The following SPAG16 variants were observed in gnomAD, a reference collection of about 807,000 sequenced individuals.
SPAG16 encodes the protein sperm associated antigen 16.
A neutral mutation model predicts 80.4 loss-of-function variants in SPAG16; 86 were observed. The ratio of observed to expected loss-of-function variants is 1.07; its 90% CI spans 0.90 to 1.28. The LOEUF (loss-of-function observed/expected upper bound fraction) is 1.28, where lower values mean the gene tolerates loss of function less well. Among genes scored for constraint, SPAG16 ranks in the 50% most tolerant of loss-of-function variants. The pLI, the probability that SPAG16 is intolerant of heterozygous loss-of-function variation, is 0.00. For synonymous variants in SPAG16, 294 were observed against 265.9 expected (o/e 1.11, Z -1.03); for missense variants, 870 against 765.3 (o/e 1.14, Z -1.61).
At chr2:214,304,407 C>T (rs1253061332) in intron 15 of SPAG16, among the ~76,000 whole-genome samples, 2 of 152,336 alleles carry the variant, frequency 1.3e-5, no homozygotes, top group Non-Finnish European at 1.5e-5. Context: ...CAAACAATAG[C>T]ATGAGAGATC....
In SPAG16 at chr2:213,296,074, A is replaced by G; in HGVS notation, c.147A>G (p.Ile49Met). 6.2e-7 allele frequency: 1 copy of G among 1,610,384 alleles called. No homozygotes were observed. The highest frequency in any genetic ancestry group is 8.5e-7 in the Non-Finnish European group (1 of 1,177,220). The change falls in exon 2 of 16, where the codon ATA (isoleucine) becomes ATG (methionine). Residue 49 changes from isoleucine to methionine, a missense_variant. Coordinates refer to ENST00000331683, the MANE Select transcript of SPAG16 (RefSeq NM_024532.5). ...EGAYYLEQVT[I>M]TEASEDDYEY... ...TGACAAGATATTCAGAGGTCACCATAACTGAAGCATCTGAAGATGACTATG... is the reference window on the plus strand; with the variant it reads ...TGACAAGATATTCAGAGGTCACCATGACTGAAGCATCTGAAGATGACTATG...
chr2:214,020,584 C>A (rs1395087903), intron 13 of SPAG16, among the ~76,000 whole-genome samples: 1 of 152,018 alleles, frequency 6.6e-6, no homozygotes, highest in East Asian at 1.9e-4. Context: ...CAAGTATGAT[C>A]TATGATTGGA....
chr2:213,953,943 G>A (rs1481820526), intron 12 of SPAG16, among the ~76,000 whole-genome samples: 1 of 151,986 alleles, frequency 6.6e-6, no homozygotes, highest in African/African-American at 2.4e-5. Context: ...AATGAATGTT[G>A]TCAGGAAACA....
intron 15 of SPAG16, among the ~76,000 whole-genome samples, chr2:214,228,882 T>C (rs80229988): frequency 0.018 from 2,682 of 152,028 alleles, 75 homozygotes; most frequent in African/African-American, 0.061. Flanking sequence ...CTCAGCTACA[T>C]TGATGGCAGA....
chr2:214,001,909 C>T (rs183962322), intron 12 of SPAG16, among the ~76,000 whole-genome samples: 4 of 152,128 alleles, frequency 2.6e-5, no homozygotes, highest in East Asian at 1.9e-4. Flanking sequence ...TGAGACTGGG[C>T]AATTTATAAA....
At chr2:214,072,003 A>G (rs1476122738) in intron 13 of SPAG16, among the ~76,000 whole-genome samples, 2 of 152,128 alleles carry the variant, frequency 1.3e-5, no homozygotes, top group African/African-American at 4.8e-5. Context: ...TGTACAAGCT[A>G]TTTTTTAAGA....
intron 3 of SPAG16, among the ~76,000 whole-genome samples, chr2:213,308,264 T>C (rs571787571): frequency 6.6e-6 from 1 of 152,268 alleles, no homozygotes; most frequent in Non-Finnish European, 1.5e-5. Flanking sequence ...CTGACTTACA[T>C]GATATAATAA....
chr2:214,357,471 T>A (rs188023659), intron 15 of SPAG16, among the ~76,000 whole-genome samples: 65 of 152,032 alleles, frequency 4.3e-4, no homozygotes, highest in African/African-American at 1.5e-3. Context: ...TTTAGCTATG[T>A]CTAATCTGCT....
chr2:213,976,313 CAT>C (rs949303579), intron 12 of SPAG16, among the ~76,000 whole-genome samples: 51 of 149,666 alleles, frequency 3.4e-4, no homozygotes, highest in African/African-American at 1.2e-3. Context: ...CATGTGTGCG[CAT>C]ATGTGTACGC....
intron 5 of SPAG16, among the ~76,000 whole-genome samples, chr2:213,328,810 G>A (rs1031525063): frequency 6.6e-6 from 1 of 152,126 alleles, no homozygotes; most frequent in Non-Finnish European, 1.5e-5. Flanking sequence ...ATGGTTACCT[G>A]TTGATTGGTT....
chr2:214,072,051 T>C lies in SPAG16; in HGVS notation c.1528-36145T>C, dbSNP rs143463313. 2.3e-3 allele frequency among the ~76,000 whole-genome samples: 346 copies of C among 152,236 alleles called. 1 individual carries two copies. Among genetic ancestry groups the C allele is most frequent in the Middle Eastern group, 6.8e-3 (2 of 294 alleles). ...ATCATAAAAGTCACAAATTGAACTTTTTTAAAAGCATTATTTACAGGAAGG... is the reference window on the plus strand; with the variant it reads ...ATCATAAAAGTCACAAATTGAACTTCTTTAAAAGCATTATTTACAGGAAGG... On this transcript the variant is annotated intron_variant, in intron 13 of 15. Transcript: ENST00000331683.
At chr2:213,298,086 T>C (rs1304462664) in intron 3 of SPAG16, among the ~76,000 whole-genome samples, 1 of 152,136 alleles carries the variant, frequency 6.6e-6, no homozygotes, top group East Asian at 1.9e-4. Context: ...TTATACCATA[T>C]CATTCTTTCC....
chr2:213,476,539 T>G (rs2073402606), intron 9 of SPAG16, among the ~76,000 whole-genome samples: 1 of 152,222 alleles, frequency 6.6e-6, no homozygotes. Context: ...GTGTTCTATC[T>G]GTTTTTGTAA....
chr2:213,643,400 A>ACC (rs2062695886), intron 10 of SPAG16, among the ~76,000 whole-genome samples: 1 of 44,464 alleles, frequency 2.2e-5, no homozygotes, highest in Non-Finnish European at 4.1e-5. Flanking sequence ...ATATATATAT[A>ACC]TATATATATA....
intron 12 of SPAG16, among the ~76,000 whole-genome samples, chr2:213,968,514 A>G (rs76069337): frequency 0.074 from 11,287 of 152,246 alleles, 656 homozygotes; most frequent in African/African-American, 0.15. Flanking sequence ...TTTTAAGCCT[A>G]TAGTATCAGG....
chr2:213,591,557 A>T (rs1438195216), intron 10 of SPAG16, among the ~76,000 whole-genome samples: 1 of 152,222 alleles, frequency 6.6e-6, no homozygotes, highest in African/African-American at 2.4e-5. Flanking sequence ...TTATAAAATT[A>T]TTCAGTGATA....
At chr2:214,250,126 CATT>C (rs1405474554) in intron 15 of SPAG16, 2 of 152,158 alleles carry the variant, frequency 1.3e-5, no homozygotes, top group Non-Finnish European at 2.9e-5. Context: ...GTTTCACTCA[CATT>C]CTCATTGACA....
chr2:213,895,439 A>T (rs1261292750), intron 11 of SPAG16, among the ~76,000 whole-genome samples: 1 of 152,186 alleles, frequency 6.6e-6, no homozygotes, highest in South Asian at 2.1e-4. Context: ...CTATGGAACT[A>T]AAAAAGGCCC....
intron 14 of SPAG16, among the ~76,000 whole-genome samples, chr2:214,114,333 T>C (rs1374759193): frequency 1.3e-5 from 2 of 152,230 alleles, no homozygotes; most frequent in Admixed American, 6.5e-5. Context: ...GCTCAAATGC[T>C]GTGCTGGGAC....
Sources: allele counts gnomAD v4.1 joint callset (sites outside exome capture counted in the v4.1 genomes callset), GRCh38; gene constraint gnomAD v4.1.1; transcripts MANE v1.5; gene names NCBI Gene and HGNC (gene_info 2026-07-23, HGNC 2026-07-21).